Variants in NTM observed in about 807,000 individuals in gnomAD.
NTM encodes neurotrimin.
NTM carries 13 observed loss-of-function variants against 42.1 expected under a neutral mutation model. That is an observed-to-expected ratio of 0.31 (90% CI 0.20 to 0.49). NTM has a LOEUF of 0.49. Among genes scored for constraint, NTM ranks in the 20% least tolerant of loss-of-function variants. The probability of loss-of-function intolerance (pLI) is 0.99; values close to 1 mark genes in which losing one functional copy is unlikely to be tolerated. For missense variants in NTM, 373 were observed against 452.8 expected (o/e 0.82, Z 1.60); for synonymous variants, 187 against 179.2 (o/e 1.04, Z -0.35).
intron 2 of NTM, among the ~76,000 whole-genome samples, chr11:132,024,080 A>G (rs1593839773): frequency 6.6e-6 from 1 of 151,778 alleles, no homozygotes; most frequent in South Asian, 2.1e-4. Context: ...GGGCTCCCCA[A>G]GTGCTGGGAT....
At chr11:131,463,187 C>A (rs780357344) in intron 1 of NTM, among the ~76,000 whole-genome samples, 54 of 152,168 alleles carry the variant, frequency 3.5e-4, no homozygotes, top group Non-Finnish European at 7.2e-4. Flanking sequence ...CCCTCCTGTC[C>A]CATGGTGGAA....
chr11:132,133,934 G>A (rs7104573), intron 2 of NTM, among the ~76,000 whole-genome samples: 7 of 152,096 alleles, frequency 4.6e-5, no homozygotes, highest in East Asian at 1.9e-4. Context: ...TTTCTTCCTC[G>A]GTGTTCTCTC....
At chr11:132,019,959 T>C in intron 2 of NTM, among the ~76,000 whole-genome samples, 1 of 152,072 alleles carries the variant, frequency 6.6e-6, no homozygotes, top group East Asian at 1.9e-4. Context: ...GTGTGTATAG[T>C]ACCTGACAGG....
chr11:131,897,525 T>C (rs1352152939), intron 1 of NTM, among the ~76,000 whole-genome samples: 3 of 152,242 alleles, frequency 2.0e-5, no homozygotes, highest in Non-Finnish European at 2.9e-5. Flanking sequence ...TCAGGAATTG[T>C]GTTAGACACC....
intron 1 of NTM, among the ~76,000 whole-genome samples, chr11:131,433,185 T>G (rs1358928043): frequency 6.6e-6 from 1 of 152,154 alleles, no homozygotes; most frequent in East Asian, 1.9e-4. Flanking sequence ...CCCATCACAT[T>G]TAATTCTTCC....
At chr11:132,329,198 A>G (rs1243181271) in intron 7 of NTM, among the ~76,000 whole-genome samples, 1 of 152,222 alleles carries the variant, frequency 6.6e-6, no homozygotes, top group Non-Finnish European at 1.5e-5. Flanking sequence ...CACAGAGAAC[A>G]CAGACTCCCA....
At chr11:131,785,825 G>A (rs1350645826) in intron 1 of NTM, among the ~76,000 whole-genome samples, 1 of 152,222 alleles carries the variant, frequency 6.6e-6, no homozygotes. Flanking sequence ...TATAAAGACT[G>A]ATATGCCTAT....
In NTM at chr11:131,442,815, G is replaced by A. The variant is rs985819658; in HGVS notation, c.82+71927G>A. On this transcript the variant is annotated intron_variant, in intron 1 of 8. Transcript: ENST00000683400. ...ACGTGTATATATTATATATATGTGT[G>A]TGTATATATATATATACACACACAG... Among the ~76,000 whole-genome samples, 6 of 151,660 alleles carry A rather than the reference G, an allele frequency of 4.0e-5. 1 individual carries two copies. The South Asian group carries it at 1.2e-3, about 32-fold the overall frequency.
chr11:131,733,532 TTTCG>T (rs72270615), intron 1 of NTM, among the ~76,000 whole-genome samples: 2,447 of 149,578 alleles, frequency 0.016, 32 homozygotes, highest in Non-Finnish European at 0.023. Context: ...TCTTTCTTTC[TTTCG>T]TTGTTTTTTG....
At chr11:131,463,769 G>A (rs567848857) in intron 1 of NTM, among the ~76,000 whole-genome samples, 2 of 152,294 alleles carry the variant, frequency 1.3e-5, no homozygotes, top group Non-Finnish European at 1.5e-5. Context: ...CTGGGGCATC[G>A]GCGCCTCTCA....
chr11:131,493,128 G>A (rs2136307294), intron 1 of NTM, among the ~76,000 whole-genome samples: 2 of 152,202 alleles, frequency 1.3e-5, no homozygotes, highest in South Asian at 4.2e-4. Context: ...TGGGGCTGGG[G>A]TGGGGGTGCT....
At chr11:131,878,768 C>T (rs903491649) in intron 1 of NTM, among the ~76,000 whole-genome samples, 1 of 151,572 alleles carries the variant, frequency 6.6e-6, no homozygotes, top group African/African-American at 2.4e-5. Context: ...GTCTCACTCT[C>T]ATATAAGCTG....
intron 2 of NTM, among the ~76,000 whole-genome samples, chr11:132,031,298 A>G (rs1266642324): frequency 6.6e-6 from 1 of 152,182 alleles, no homozygotes; most frequent in African/African-American, 2.4e-5. Flanking sequence ...TATTGATCTG[A>G]CAAGTGACTT....
intron 1 of NTM, among the ~76,000 whole-genome samples, chr11:131,384,723 A>G (rs1943102096): frequency 6.6e-6 from 1 of 152,148 alleles, no homozygotes; most frequent in Admixed American, 6.5e-5. Context: ...TCTTGAAAAG[A>G]AGAAGAAAGA....
intron 2 of NTM, among the ~76,000 whole-genome samples, chr11:132,060,662 G>GA (rs1301474747): frequency 2.0e-5 from 3 of 152,210 alleles, no homozygotes; most frequent in Non-Finnish European, 2.9e-5. Flanking sequence ...TGCAGTCACA[G>GA]AAATAGTATA....
intron 2 of NTM, among the ~76,000 whole-genome samples, chr11:132,065,069 C>G (rs1358662764): frequency 6.6e-6 from 1 of 152,200 alleles, no homozygotes; most frequent in Non-Finnish European, 1.5e-5. Flanking sequence ...TTTGTCTGTG[C>G]ACAGGAGTGC....
At chr11:131,708,342 A>G (rs966947630) in intron 1 of NTM, among the ~76,000 whole-genome samples, 3 of 152,148 alleles carry the variant, frequency 2.0e-5, no homozygotes, top group Non-Finnish European at 4.4e-5. Context: ...AATAATTTAA[A>G]TTAATATAAA....
chr11:131,455,110 C>T (rs1480642895), intron 1 of NTM, among the ~76,000 whole-genome samples: 1 of 152,208 alleles, frequency 6.6e-6, no homozygotes, highest in East Asian at 1.9e-4. Flanking sequence ...TTCAGAGGCT[C>T]AGCAAGACTT....
At chr11:132,315,387 G>T (rs936146166) in intron 7 of NTM, among the ~76,000 whole-genome samples, 1 of 152,142 alleles carries the variant, frequency 6.6e-6, no homozygotes, top group African/African-American at 2.4e-5. Flanking sequence ...GTGCCACCAG[G>T]CAGGGCCCTG....
Sources: gnomAD v4.1 joint callset for allele counts (sites outside exome capture counted in the v4.1 genomes callset) on GRCh38, gnomAD v4.1.1 for gene constraint, MANE v1.5 for transcripts, NCBI Gene and HGNC (gene_info 2026-07-23, HGNC 2026-07-21) for gene names.